VAV2: variants seen among roughly 807,000 people sequenced by gnomAD.
VAV2 encodes guanine nucleotide exchange factor VAV2.
In VAV2, 67 loss-of-function variants were observed where a neutral mutation model predicts 132.5. That is an observed-to-expected ratio of 0.51 (90% confidence interval 0.42 to 0.62). The LOEUF (loss-of-function observed/expected upper bound fraction) is 0.62. VAV2 is among the 20% of genes least tolerant of loss of function. The probability of loss-of-function intolerance (pLI) is 0.00; values close to 1 mark genes in which losing one functional copy is unlikely to be tolerated. For synonymous variants in VAV2, 492 were observed against 443.5 expected (o/e 1.11, Z -1.37); for missense variants, 938 against 1,153.6 (o/e 0.81, Z 2.71).
Position 133,768,401 on chromosome 9 carries a change from C to T in VAV2, c.2589+41G>A, listed in dbSNP as rs1368754246. The T allele has an allele frequency of 3.8e-6, 6 of 1,599,254 alleles. No individual in the cohort carries two copies. The highest frequency in any genetic ancestry group is 4.3e-6 in the Non-Finnish European group (5 of 1,175,144). The stretch of plus-strand genomic sequence containing the variant: ...CCTGAGCCCGACCAGGTAGGGGCTG[C>T]AGCGAGGCCAGCCCCACACCCTCAG... On this transcript the variant is annotated intron_variant, in intron 29 of 29. Transcript: ENST00000371850. The surrounding 1 kb of genome is among the most constrained non-coding windows in gnomAD (Gnocchi z 5.3).
chr9:133,856,581 G>T (rs1329984731), intron 3 of VAV2, among the ~76,000 whole-genome samples: 2 of 152,200 alleles, frequency 1.3e-5, no homozygotes, highest in African/African-American at 4.8e-5. Context: ...CTCTGCTCCT[G>T]CTCTAACAGG....
chr9:133,770,231 G>A, intron 27 of VAV2, 147 bp downstream of exon 27: 2 of 1,310,924 alleles, frequency 1.5e-6, no homozygotes, highest in Non-Finnish European at 2.1e-6. Context: ...GACAGCATCT[G>A]CGATGGCTGG....
At chr9:133,964,022 CATATATATAT>C (rs10541639) in intron 1 of VAV2, among the ~76,000 whole-genome samples, 4 of 93,874 alleles carry the variant, frequency 4.3e-5, no homozygotes, top group African/African-American at 1.2e-4. Flanking sequence ...ATTATTCATT[CATATATATAT>C]ATATATATAT....
intron 3 of VAV2, among the ~76,000 whole-genome samples, chr9:133,843,751 G>A (rs939374664): frequency 6.6e-6 from 1 of 152,248 alleles, no homozygotes; most frequent in Non-Finnish European, 1.5e-5. Context: ...AGTGCCAAGT[G>A]GGGCAGGAGT....
intron 22 of VAV2, among the ~76,000 whole-genome samples, chr9:133,778,130 G>A (rs1833880692): frequency 1.3e-5 from 2 of 151,410 alleles, no homozygotes; most frequent in African/African-American, 4.9e-5. Context: ...GGGCAAATGT[G>A]CCCAGAACCC....
intron 4 of VAV2, among the ~76,000 whole-genome samples, chr9:133,813,340 G>A (rs1374282090): frequency 5.2e-5 from 8 of 152,384 alleles, no homozygotes; most frequent in African/African-American, 1.2e-4. Flanking sequence ...CAGAAGCCGG[G>A]GCAGGAGCAA....
rs554152686 is a variant in VAV2 at position 133,775,848 on chromosome 9, T to C, written c.2018+180A>G. The stretch of plus-strand genomic sequence containing the variant: ...ACTCCCCCAGGCTCCTGGAGAGTTA[T>C]AGGCCAGGAGGGAGAAGGCATTTGG... On this transcript the variant is annotated intron_variant, in intron 24 of 29. Coordinates refer to ENST00000371850, the MANE Select transcript of VAV2 (RefSeq NM_001134398.2). Among the ~76,000 whole-genome samples the C allele has an allele frequency of 2.0e-5, 3 of 152,338 alleles. No individual in the cohort carries two copies. In the East Asian group the frequency reaches 5.8e-4, roughly 29 times the overall value.
chr9:133,810,667 C>T (rs989831556), intron 5 of VAV2, among the ~76,000 whole-genome samples: 1 of 152,206 alleles, frequency 6.6e-6, no homozygotes, highest in Non-Finnish European at 1.5e-5. Context: ...ACATAGGCAG[C>T]GCTGTTCCCC....
At chr9:133,892,236 G>A (rs1460721877) in intron 2 of VAV2, among the ~76,000 whole-genome samples, 1 of 151,362 alleles carries the variant, frequency 6.6e-6, no homozygotes, top group Non-Finnish European at 1.5e-5. Context: ...CAAGGGGCCT[G>A]CTCAGGTGCC....
intron 2 of VAV2, among the ~76,000 whole-genome samples, chr9:133,920,370 G>A (rs376745656): frequency 1.4e-3 from 219 of 152,356 alleles, no homozygotes; most frequent in African/African-American, 5.1e-3. Context: ...GAGCACCTGT[G>A]CCTCTCCCTG....
intron 12 of VAV2, among the ~76,000 whole-genome samples, chr9:133,792,245 G>C (rs1323331448): frequency 1.4e-5 from 2 of 147,960 alleles, no homozygotes; most frequent in Non-Finnish European, 3.0e-5. Flanking sequence ...GTGTGACTGT[G>C]TGTATAAGCG....
intron 17 of VAV2, 29 bp downstream of exon 17, chr9:133,785,747 G>A (rs1588171149): frequency 6.2e-7 from 1 of 1,605,890 alleles, no homozygotes; most frequent in South Asian, 1.1e-5. Flanking sequence ...ATCTGCCAGG[G>A]ACCTGGGGGC....
At position 133,769,616 on chromosome 9, in the gene VAV2, GA is replaced by G; in HGVS notation, c.2348-114del. On this transcript the variant is annotated intron_variant, in intron 27 of 29. Coordinates refer to ENST00000371850, the MANE Select transcript of VAV2 (RefSeq NM_001134398.2). The surrounding 1 kb of genome is among the most constrained non-coding windows in gnomAD (Gnocchi z 8.1). The stretch of plus-strand genomic sequence containing the variant: ...GGGTGGGGCAGGCCCTTTGGCAGGA[GA>G]GGCCCTACAGGGGGGCAAAGGAGGC... 1 of 1,163,018 alleles carries G rather than the reference GA, an allele frequency of 8.6e-7. No individual in the cohort carries two copies. Among genetic ancestry groups the G allele is most frequent in the Non-Finnish European group, 1.2e-6 (1 of 821,324 alleles). The allele number at this position is 1,163,018 out of a possible 1,614,324, so 72.0% of individuals were successfully genotyped here. A position where few individuals can be genotyped will look rare whatever the true frequency, so the allele number is the denominator to read the frequency against.
intron 3 of VAV2, among the ~76,000 whole-genome samples, chr9:133,844,416 G>A (rs1159620081): frequency 1.3e-5 from 2 of 152,156 alleles, no homozygotes; most frequent in Non-Finnish European, 2.9e-5. Flanking sequence ...GAAACCCCCT[G>A]GACAAACACT....
intron 4 of VAV2, among the ~76,000 whole-genome samples, chr9:133,820,575 TC>T (rs1463921170): frequency 6.6e-6 from 1 of 152,212 alleles, no homozygotes; most frequent in Non-Finnish European, 1.5e-5. Flanking sequence ...TCCGCCCGCC[TC>T]GGCCTCCCAA....
intron 2 of VAV2, among the ~76,000 whole-genome samples, chr9:133,880,005 G>T (rs1344579770): frequency 6.6e-6 from 1 of 152,228 alleles, no homozygotes; most frequent in African/African-American, 2.4e-5. Context: ...TCCCAGAAAA[G>T]ATTTTCTAAA....
intron 2 of VAV2, among the ~76,000 whole-genome samples, chr9:133,906,108 G>A: frequency 6.6e-6 from 1 of 152,306 alleles, no homozygotes; most frequent in South Asian, 2.1e-4. Context: ...CAGACGGTAA[G>A]TCTGGAGGTA....
At chr9:133,903,686 C>T (rs2810497) in intron 2 of VAV2, among the ~76,000 whole-genome samples, 118,526 of 152,042 alleles carry the variant, frequency 0.78, 47,166 homozygotes, top group East Asian at 0.98. Flanking sequence ...TACCCCTGCT[C>T]CTAGGGCTCT....
intron 13 of VAV2, 132 bp downstream of exon 13, chr9:133,791,651 G>C (rs925597013): frequency 4.4e-5 from 34 of 773,786 alleles, no homozygotes; most frequent in Middle Eastern, 5.0e-4. Context: ...AGAAGTTGCC[G>C]GGCACCAGCC....
Sources: allele counts gnomAD v4.1 joint callset (sites outside exome capture counted in the v4.1 genomes callset), GRCh38; gene constraint gnomAD v4.1.1; non-coding constraint Gnocchi (gnomAD v3.1); transcripts MANE v1.5; gene names NCBI Gene and HGNC (gene_info 2026-07-23, HGNC 2026-07-21).